Variants in TPM4 observed in about 807,000 individuals in gnomAD.
The protein encoded by TPM4 is tropomyosin alpha-4 chain.
TPM4 carries 17 observed loss-of-function variants against 35.8 expected under a neutral mutation model. The ratio of observed to expected loss-of-function variants is 0.47; its 90% CI spans 0.32 to 0.71. TPM4 has a LOEUF of 0.71. Ranked by LOEUF, TPM4 falls within the 30% of genes least tolerant of loss-of-function variation. The pLI is 0.03. For synonymous variants in TPM4, 120 were observed against 122.9 expected, an observed-to-expected ratio of 0.98 and a Z score of 0.15; for missense variants, 240 against 320.9, an observed-to-expected ratio of 0.75 and a Z score of 1.93.
intron 2 of TPM4, among the ~76,000 whole-genome samples, chr19:16,069,988 A>ATGTGTG (rs144086539): frequency 2.1e-5 from 3 of 146,296 alleles, no homozygotes; most frequent in African/African-American, 7.5e-5. Flanking sequence ...ATGGCACGGC[A>ATGTGTG]TGTGTGTGTG....
Position 16,082,053 on chromosome 19 carries a change from A to G in TPM4, c.266+7A>G, listed in dbSNP as rs757957165. On this transcript the variant is annotated splice_region_variant and intron_variant, in intron 2 of 7. Coordinates refer to ENST00000643579, the MANE Select transcript of TPM4 (RefSeq NM_003290.3). The stretch of plus-strand genomic sequence containing the variant: ...CTGCAGATGAGAGTGAGAGGTAAGG[A>G]CGCTTTGAATCTGGTGGCATCCGTG... The G allele has an allele frequency of 6.3e-7, 1 of 1,596,558 alleles. No individual in the cohort carries two copies. Among genetic ancestry groups the G allele is most frequent in the South Asian group, 1.1e-5 (1 of 90,516 alleles).
At chr19:16,074,688 C>CT (rs2090387265), upstream of TPM4, 1 of 152,354 alleles carries the variant, frequency 6.6e-6, no homozygotes, top group Admixed American at 6.5e-5. Context: ...TCCCACCTCT[C>CT]TGAGCCTCCT....
At chr19:16,077,276 G>T (rs1305145113) in intron 1 of TPM4, 5 of 138,446 alleles carry the variant, frequency 3.6e-5, no homozygotes, top group Non-Finnish European at 8.3e-5. Context: ...TGCTCCAGGC[G>T]GCGGGGGGGA....
At position 16,082,684 on chromosome 19, in the gene TPM4, G is replaced by A. The variant is rs150666066; in HGVS notation, c.266+638G>A. ...TCTGAAAGCCACAGTGCCTCTTAGT[G>A]TTCTCTAGACACCAAATTTCAGGTA... On this transcript the variant is annotated intron_variant, in intron 2 of 7. Coordinates refer to ENST00000643579, the MANE Select transcript of TPM4 (RefSeq NM_003290.3). Among the ~76,000 whole-genome samples the A allele has an allele frequency of 1.1e-3, 166 of 152,100 alleles. 1 individual carries two copies. The highest frequency in any genetic ancestry group is 3.8e-3 in the African/African-American group (158 of 41,506).
intron 1 of TPM4, chr19:16,077,112 G>A (rs1464177597): frequency 1.3e-5 from 2 of 158,684 alleles, no homozygotes; most frequent in Admixed American, 6.5e-5. Flanking sequence ...ATGAAAACGT[G>A]GAGCTTCCAT....
chr19:16,076,725 C>A, intron 1 of TPM4, 28 bp downstream of exon 1: 1 of 1,301,288 alleles, frequency 7.7e-7, no homozygotes, highest in Non-Finnish European at 9.8e-7. Context: ...GGGCCCCGCA[C>A]CCGCAGCCTC....
At chr19:16,096,067 A>C (rs2090692564) in intron 7 of TPM4, among the ~76,000 whole-genome samples, 2 of 151,942 alleles carry the variant, frequency 1.3e-5, no homozygotes, top group South Asian at 4.1e-4. Context: ...CTGAGATTAC[A>C]GGCATACACC....
intron 1 of TPM4, 176 bp from the exon 2 acceptor site, chr19:16,081,737 A>G: frequency 1.3e-6 from 1 of 795,758 alleles, no homozygotes; most frequent in Non-Finnish European, 1.8e-6. Flanking sequence ...TTTCCCAGAC[A>G]TTTTCCGGGA....
At chr19:16,093,619 C>T (rs1295757216) in intron 6 of TPM4, 21 bp downstream of exon 6, 44 of 1,614,160 alleles carry the variant, frequency 2.7e-5, no homozygotes, top group Non-Finnish European at 3.6e-5. Context: ...TGGCACCCAG[C>T]GAGCTCTGGT....
intron 2 of TPM4, among the ~76,000 whole-genome samples, chr19:16,071,197 G>T (rs2090354063): frequency 6.6e-6 from 1 of 152,132 alleles, no homozygotes; most frequent in South Asian, 2.1e-4. Context: ...GTCTTTAAAT[G>T]TATTTTTATT....
At chr19:16,098,859 T>C (rs2090732180) in intron 7 of TPM4, among the ~76,000 whole-genome samples, 1 of 152,188 alleles carries the variant, frequency 6.6e-6, no homozygotes, top group African/African-American at 2.4e-5. Context: ...AAATCCTAGC[T>C]CTACTACTTT....
chr19:16,082,527 G>T (rs3786576), intron 2 of TPM4, among the ~76,000 whole-genome samples: 62,234 of 152,030 alleles, frequency 0.41, 12,996 homozygotes, highest in East Asian at 0.73. Context: ...AAAGTGAGGG[G>T]TGTTTATCCT....
chr19:16,086,178 A>ACT, intron 2 of TPM4, among the ~76,000 whole-genome samples: 1 of 151,582 alleles, frequency 6.6e-6, no homozygotes, highest in South Asian at 2.1e-4. Flanking sequence ...GAGAGATGGG[A>ACT]CTAGGGGTGG....
At chr19:16,076,970 G>A (rs1031743131) in intron 1 of TPM4, 32 of 516,978 alleles carry the variant, frequency 6.2e-5, no homozygotes, top group African/African-American at 5.8e-4. Context: ...TGGGGCGGAG[G>A]GGGTGAGCGA....
chr19:16,087,648 C>G (rs2090573428), intron 3 of TPM4, among the ~76,000 whole-genome samples: 1 of 151,668 alleles, frequency 6.6e-6, no homozygotes, highest in Admixed American at 6.6e-5. Context: ...TCTGGGAGGC[C>G]GAGGTAGGTG....
Position 16,093,387 on chromosome 19 carries a change from G to C in TPM4, c.532-149G>C, listed in dbSNP as rs1411812446. The stretch of plus-strand genomic sequence containing the variant: ...ATTTTTGTATTTTTAGTAGAGACGG[G>C]GTTTCACCATGTTGGCCAGGCTGGT... On this transcript the variant is annotated intron_variant, in intron 5 of 7. Transcript: ENST00000643579. 6.6e-6 allele frequency: 5 copies of C among 753,792 alleles called. No individual in the cohort carries two copies. In the African/African-American group the frequency reaches 7.1e-5, roughly 11 times the overall value. 46.7% of individuals were successfully genotyped at this position (753,792 alleles called of 1,614,324 possible).
chr19:16,089,262 C>T lies in TPM4; in HGVS notation c.531+142C>T, dbSNP rs1397045994. ...TGGTGCCTGGCAGCCAGGGTTTTTCCCCTACAGAAAGAGCTGGATTTCTCC... is the reference window on the plus strand; with the variant it reads ...TGGTGCCTGGCAGCCAGGGTTTTTCTCCTACAGAAAGAGCTGGATTTCTCC... On this transcript the variant is annotated intron_variant, in intron 5 of 7. Transcript: ENST00000643579. 1.6e-5 allele frequency: 17 copies of T among 1,092,878 alleles called. No homozygotes were observed. In the East Asian group the frequency reaches 4.4e-4, roughly 29 times the overall value. The allele number at this position is 1,092,878 out of a possible 1,614,324, so 67.7% of individuals were successfully genotyped here. A position where few individuals can be genotyped will look rare whatever the true frequency, so the allele number is the denominator to read the frequency against.
intron 1 of TPM4, chr19:16,077,338 T>A (rs1266285939): frequency 6.6e-6 from 1 of 152,054 alleles, no homozygotes. Flanking sequence ...TCCAGCTGAT[T>A]CCTGCGGGAA....
chr19:16,101,585 G>A lies in TPM4; in HGVS notation c.*239G>A. 2.4e-6 allele frequency: 1 copy of A among 417,318 alleles called. No homozygotes were observed. The highest frequency in any genetic ancestry group is 4.4e-6 in the Non-Finnish European group (1 of 228,378). 25.9% of individuals were successfully genotyped at this position (417,318 alleles called of 1,614,324 possible). A position where few individuals can be genotyped will look rare whatever the true frequency, so the allele number is the denominator to read the frequency against. Reference sequence around the variant, plus strand: ...TTCAGCTCTCTTATTTTTTCCTTAAGTAGCATTTATTCCTAAGGTAGGCAG... The same window carrying A: ...TTCAGCTCTCTTATTTTTTCCTTAAATAGCATTTATTCCTAAGGTAGGCAG... On this transcript the variant is annotated 3_prime_UTR_variant, in exon 8 of 8. Coordinates refer to ENST00000643579, the MANE Select transcript of TPM4 (RefSeq NM_003290.3).
Sources: allele counts gnomAD v4.1 joint callset (sites outside exome capture counted in the v4.1 genomes callset), GRCh38; gene constraint gnomAD v4.1.1; transcripts MANE v1.5; gene names NCBI Gene and HGNC (gene_info 2026-07-23, HGNC 2026-07-21).